Variants in SCAPER observed in about 807,000 individuals in gnomAD.
The protein encoded by SCAPER is S-phase cyclin A associated protein in the ER.
A neutral mutation model predicts 182.2 loss-of-function variants in SCAPER; 98 were observed. That is an observed-to-expected ratio of 0.54 (90% confidence interval 0.46 to 0.64). The LOEUF is 0.64. SCAPER is among the 30% of genes least tolerant of loss of function. The pLI is 0.00. For missense variants in SCAPER, 1,432 were observed against 1,690.0 expected (o/e 0.85, Z 2.68); for synonymous variants, 605 against 564.6 (o/e 1.07, Z -1.01).
chr15:76,738,742 A>C (rs2061404519), intron 15 of SCAPER, among the ~76,000 whole-genome samples: 1 of 152,128 alleles, frequency 6.6e-6, no homozygotes, highest in Non-Finnish European at 1.5e-5. Flanking sequence ...GGCTCATGGC[A>C]CCCCAAAACA....
intron 17 of SCAPER, among the ~76,000 whole-genome samples, chr15:76,724,163 C>CTT (rs750401710): frequency 0.98 from 141,802 of 145,020 alleles, 69,409 homozygotes; most frequent in South Asian, 1. Flanking sequence ...AAAGCAAAGA[C>CTT]TTATTTCTCC....
intron 23 of SCAPER, among the ~76,000 whole-genome samples, chr15:76,531,108 A>G (rs2043622738): frequency 6.6e-6 from 1 of 152,124 alleles, no homozygotes; most frequent in Non-Finnish European, 1.5e-5. Flanking sequence ...TTAGGGCAGA[A>G]GCCTGTGAAT....
chr15:76,808,212 G>A (rs1283075533), intron 5 of SCAPER, among the ~76,000 whole-genome samples: 1 of 152,198 alleles, frequency 6.6e-6, no homozygotes, highest in Non-Finnish European at 1.5e-5. Flanking sequence ...GCTGCAGCCT[G>A]AGGGTTTGGG....
At chr15:76,417,344 G>C (rs1173103152) in intron 26 of SCAPER, among the ~76,000 whole-genome samples, 1 of 152,212 alleles carries the variant, frequency 6.6e-6, no homozygotes, top group African/African-American at 2.4e-5. Context: ...CAGAGAGACA[G>C]ATACATCATC....
intron 23 of SCAPER, chr15:76,567,498 C>G: frequency 3.2e-6 from 1 of 315,548 alleles, no homozygotes; most frequent in Non-Finnish European, 6.4e-6. Flanking sequence ...TTATCACAAA[C>G]ATTGTCTGTA....
intron 2 of SCAPER, among the ~76,000 whole-genome samples, chr15:76,869,387 A>T (rs1360999369): frequency 1.3e-5 from 2 of 152,220 alleles, no homozygotes; most frequent in Non-Finnish European, 2.9e-5. Context: ...AATAACCAGA[A>T]CATATGAGGA....
rs563194465 is a variant in SCAPER at position 76,724,708 on chromosome 15, T to C, written c.2165+3887A>G. Among the ~76,000 whole-genome samples the C allele has an allele frequency of 4.6e-5, 7 of 152,336 alleles. No homozygotes were observed. In the South Asian group the frequency reaches 1.5e-3, roughly 32 times the overall value. Reference sequence around the variant, plus strand: ...CCATCACTGATACCCTTTCTTCCCGTTGATCACATTAGTTACTGAGTCTTG... The same window carrying C: ...CCATCACTGATACCCTTTCTTCCCGCTGATCACATTAGTTACTGAGTCTTG... On this transcript the variant is annotated intron_variant, in intron 17 of 31. Coordinates refer to ENST00000563290, the MANE Select transcript of SCAPER (RefSeq NM_020843.4).
chr15:76,449,497 T>C (rs949133560), intron 25 of SCAPER, among the ~76,000 whole-genome samples: 1 of 152,236 alleles, frequency 6.6e-6, no homozygotes, highest in African/African-American at 2.4e-5. Context: ...TAACTTTGTA[T>C]GTGGCCTTGT....
chr15:76,732,004 T>G (rs2060948451), intron 16 of SCAPER, among the ~76,000 whole-genome samples: 1 of 152,244 alleles, frequency 6.6e-6, no homozygotes, highest in Non-Finnish European at 1.5e-5. Context: ...GTACTTCACC[T>G]AGTTGAAGCT....
At chr15:76,632,316 A>G (rs1047729518) in intron 21 of SCAPER, among the ~76,000 whole-genome samples, 5 of 151,828 alleles carry the variant, frequency 3.3e-5, no homozygotes, top group African/African-American at 1.2e-4. Context: ...CAGCCTCCTG[A>G]GCAGCTGGGA....
intron 25 of SCAPER, among the ~76,000 whole-genome samples, chr15:76,461,697 T>C (rs1289768989): frequency 1.3e-5 from 2 of 152,208 alleles, no homozygotes; most frequent in Non-Finnish European, 2.9e-5. Context: ...TGTTTGCTAA[T>C]TCTAACATCT....
intron 17 of SCAPER, among the ~76,000 whole-genome samples, chr15:76,723,537 A>C (rs1300384549): frequency 2.6e-5 from 4 of 152,134 alleles, no homozygotes; most frequent in Non-Finnish European, 4.4e-5. Context: ...GGGGTGTTAA[A>C]GTCTCCCATT....
At chr15:76,638,741 C>CA (rs2053852007) in intron 21 of SCAPER, among the ~76,000 whole-genome samples, 1 of 152,028 alleles carries the variant, frequency 6.6e-6, no homozygotes, top group African/African-American at 2.4e-5. Flanking sequence ...TCGAGAATGA[C>CA]AAATTATTGG....
At chr15:76,812,267 T>C (rs369994209) in intron 5 of SCAPER, among the ~76,000 whole-genome samples, 2 of 151,880 alleles carry the variant, frequency 1.3e-5, no homozygotes, top group African/African-American at 4.8e-5. Flanking sequence ...TGAGCCAAGA[T>C]TGTGCCACTG....
At chr15:76,851,040 A>G (rs140382587) in intron 4 of SCAPER, among the ~76,000 whole-genome samples, 2 of 152,236 alleles carry the variant, frequency 1.3e-5, no homozygotes, top group Admixed American at 6.5e-5. Context: ...TAAAAAACAC[A>G]CTAAGAATTT....
At chr15:76,393,404 C>T (rs1271009066) in intron 27 of SCAPER, among the ~76,000 whole-genome samples, 2 of 152,168 alleles carry the variant, frequency 1.3e-5, no homozygotes, top group Non-Finnish European at 2.9e-5. Flanking sequence ...GCCTATCTCC[C>T]AATACCAACA....
intron 17 of SCAPER, among the ~76,000 whole-genome samples, chr15:76,722,172 CTAT>C (rs2060287337): frequency 6.6e-6 from 1 of 152,126 alleles, no homozygotes; most frequent in Non-Finnish European, 1.5e-5. Flanking sequence ...TTTTCTGCAT[CTAT>C]TGAGATAATC....
Position 76,469,056 on chromosome 15 carries a change from T to C in SCAPER, c.3078+2156A>G, listed in dbSNP as rs79843640. 8.3e-3 allele frequency among the ~76,000 whole-genome samples: 1,265 copies of C among 152,282 alleles called. 17 individuals carry two copies. Among genetic ancestry groups the C allele is most frequent in the African/African-American group, 0.029 (1,203 of 41,564 alleles). On this transcript the variant is annotated intron_variant, in intron 25 of 31. Coordinates refer to ENST00000563290, the MANE Select transcript of SCAPER (RefSeq NM_020843.4). Reference sequence around the variant, plus strand: ...CCATCCAGTCTATGGTATTTTGTAATTGCAGCCTGGACTGAGACAATATGT... The same window carrying C: ...CCATCCAGTCTATGGTATTTTGTAACTGCAGCCTGGACTGAGACAATATGT...
intron 23 of SCAPER, among the ~76,000 whole-genome samples, chr15:76,511,367 T>C (rs1456213540): frequency 1.3e-5 from 2 of 152,244 alleles, no homozygotes; most frequent in Admixed American, 6.5e-5. Flanking sequence ...TTATGTTTCA[T>C]AACAGTGGCC....
Sources: gnomAD v4.1 joint callset for allele counts (sites outside exome capture counted in the v4.1 genomes callset) on GRCh38, gnomAD v4.1.1 for gene constraint, MANE v1.5 for transcripts, NCBI Gene and HGNC (gene_info 2026-07-23, HGNC 2026-07-21) for gene names.